The following ZNF609 variants were observed in gnomAD, a reference collection of about 807,000 sequenced individuals.
The protein encoded by ZNF609 is zinc finger protein 609.
A neutral mutation model predicts 109.5 loss-of-function variants in ZNF609; 11 were observed. The ratio of observed to expected loss-of-function variants is 0.10; its 90% CI spans 0.06 to 0.17. The LOEUF is 0.17. ZNF609 is among the 10% of genes least tolerant of loss of function. The pLI is 1.00. For missense variants in ZNF609, 1,559 were observed against 1,772.4 expected, an observed-to-expected ratio of 0.88 and a Z score of 2.16; for synonymous variants, 646 against 662.0, an observed-to-expected ratio of 0.98 and a Z score of 0.37.
At chr15:64,472,745 T>C (rs748562446) in intron 1 of ZNF609, among the ~76,000 whole-genome samples, 22 of 152,062 alleles carry the variant, frequency 1.4e-4, no homozygotes, top group Non-Finnish European at 2.8e-4. Context: ...TAGTTCCAGC[T>C]ACATGGGAAG....
rs1194339065 is a variant in ZNF609, at chr15:64,674,245, G to A, written c.1391G>A (p.Arg464His). ...SEDSKGSKRV[R>H]TNSMGSATGP... ...GACTCCAAAGGGAGCAAGCGTGTCC[G>A]TACTAATTCCATGGGCTCAGCCACT... is the stretch of plus-strand genomic sequence containing the variant. The change falls in exon 5 of 10, where the codon CGT becomes CAT. Residue 464 changes from arginine (R) to histidine (H), a missense_variant. Physicochemically the swap from Arg to His is conservative, Grantham distance 29. Coordinates refer to ENST00000326648, the MANE Select transcript of ZNF609 (RefSeq NM_015042.2). 3 of 1,614,058 alleles carry A rather than the reference G, an allele frequency of 1.9e-6. No individual in the cohort carries two copies. Among genetic ancestry groups the A allele is most frequent in the African/African-American group, 1.3e-5 (1 of 74,920 alleles).
chr15:64,586,968 G>C (rs1012989833), intron 2 of ZNF609, among the ~76,000 whole-genome samples: 2 of 152,136 alleles, frequency 1.3e-5, no homozygotes, highest in African/African-American at 2.4e-5. Flanking sequence ...TTTTCTTTAA[G>C]ATAATAATTT....
intron 2 of ZNF609, among the ~76,000 whole-genome samples, chr15:64,509,558 C>T (rs1335040942): frequency 6.6e-6 from 1 of 152,140 alleles, no homozygotes; most frequent in Non-Finnish European, 1.5e-5. Context: ...GCTAATATTC[C>T]AGCTCCTACT....
chr15:64,526,144 G>A (rs1275168222), intron 2 of ZNF609, among the ~76,000 whole-genome samples: 1 of 143,134 alleles, frequency 7.0e-6, no homozygotes, highest in African/African-American at 2.6e-5. Flanking sequence ...TTTAGGGGTT[G>A]TACACCAAAA....
intron 2 of ZNF609, among the ~76,000 whole-genome samples, chr15:64,527,435 G>C (rs1428301813): frequency 5.3e-5 from 8 of 151,182 alleles, no homozygotes; most frequent in African/African-American, 1.5e-4. Flanking sequence ...TTACACATAA[G>C]ATGGCATGAG....
chr15:64,528,935 A>AG, intron 2 of ZNF609: 3 of 1,269,198 alleles, frequency 2.4e-6, no homozygotes, highest in Non-Finnish European at 3.4e-6. Context: ...TCCAGACGAC[A>AG]GGTCAGGTCC....
At chr15:64,464,046 G>C (rs994035998) in intron 1 of ZNF609, among the ~76,000 whole-genome samples, 3 of 151,966 alleles carry the variant, frequency 2.0e-5, no homozygotes, top group African/African-American at 4.8e-5. Context: ...CCAACTACCC[G>C]TCCCAGCTTC....
intron 1 of ZNF609, among the ~76,000 whole-genome samples, chr15:64,477,818 G>T (rs967372145): frequency 6.6e-6 from 1 of 152,058 alleles, no homozygotes; most frequent in African/African-American, 2.4e-5. Context: ...TGGTAGAAAC[G>T]GGGTTTTACC....
At chr15:64,629,735 T>C (rs930117298) in intron 3 of ZNF609, among the ~76,000 whole-genome samples, 3 of 152,190 alleles carry the variant, frequency 2.0e-5, no homozygotes, top group East Asian at 1.9e-4. Flanking sequence ...CCGCACAAAA[T>C]AGGGGCTCTT....
chr15:64,518,230 A>T (rs988488376), intron 2 of ZNF609, among the ~76,000 whole-genome samples: 6 of 152,218 alleles, frequency 3.9e-5, no homozygotes, highest in African/African-American at 1.2e-4. Context: ...AAAAGAGGTG[A>T]TGGAGATCTC....
At chr15:64,616,749 G>C (rs1895804398) in intron 2 of ZNF609, among the ~76,000 whole-genome samples, 1 of 141,884 alleles carries the variant, frequency 7.0e-6, no homozygotes. Flanking sequence ...TCGATCTCCT[G>C]ACCTTGTGAT....
intron 2 of ZNF609, among the ~76,000 whole-genome samples, chr15:64,616,010 C>G (rs1200548568): frequency 6.6e-6 from 1 of 152,106 alleles, no homozygotes; most frequent in Non-Finnish European, 1.5e-5. Context: ...TCTCAAATAT[C>G]TCTTCAATGA....
Position 64,577,039 on chromosome 15 carries a change from T to A in ZNF609, c.748-45788T>A. On this transcript the variant is annotated intron_variant, in intron 2 of 9. Coordinates refer to ENST00000326648, the MANE Select transcript of ZNF609 (RefSeq NM_015042.2). ...ATACACATAAATATATATATGTATATATACACATAAATATATACATATATG... is the reference window on the plus strand; with the variant it reads ...ATACACATAAATATATATATGTATAAATACACATAAATATATACATATATG... Among the ~76,000 whole-genome samples, 2 of 130,166 alleles carry A rather than the reference T, an allele frequency of 1.5e-5. 1 individual carries two copies. Among genetic ancestry groups the A allele is most frequent in the Non-Finnish European group, 3.2e-5 (2 of 63,298 alleles). 85.4% of individuals were successfully genotyped at this position (130,166 alleles called of 152,430 possible). A position where few individuals can be genotyped will look rare whatever the true frequency, so the allele number is the denominator to read the frequency against.
chr15:64,589,386 C>T (rs192235060), intron 2 of ZNF609, among the ~76,000 whole-genome samples: 9 of 152,272 alleles, frequency 5.9e-5, no homozygotes, highest in Admixed American at 5.9e-4. Flanking sequence ...TCAGCAGCAG[C>T]AGCAGCAGCA....
At chr15:64,469,209 G>A (rs1672837427) in intron 1 of ZNF609, among the ~76,000 whole-genome samples, 2 of 151,684 alleles carry the variant, frequency 1.3e-5, no homozygotes, top group South Asian at 4.2e-4. Context: ...GTTGCAGTGA[G>A]CCGAGATCAA....
At chr15:64,542,742 A>G (rs1039628606) in intron 2 of ZNF609, among the ~76,000 whole-genome samples, 9 of 152,144 alleles carry the variant, frequency 5.9e-5, no homozygotes, top group South Asian at 2.1e-4. Flanking sequence ...CTTTTTAACA[A>G]TATCCACCCT....
At chr15:64,654,642 GAACA>G (rs1377480260) in intron 3 of ZNF609, among the ~76,000 whole-genome samples, 1 of 152,036 alleles carries the variant, frequency 6.6e-6, no homozygotes, top group Non-Finnish European at 1.5e-5. Context: ...AAGTGTGTGA[GAACA>G]GATTGAGATC....
intron 2 of ZNF609, among the ~76,000 whole-genome samples, chr15:64,541,559 C>T (rs1214901366): frequency 2.0e-5 from 3 of 151,134 alleles, no homozygotes; most frequent in Admixed American, 6.6e-5. Context: ...AGTAGAATTC[C>T]GCCGGGTGCC....
intron 2 of ZNF609, among the ~76,000 whole-genome samples, chr15:64,521,259 C>A (rs1284105260): frequency 6.6e-6 from 1 of 152,196 alleles, no homozygotes; most frequent in East Asian, 1.9e-4. Flanking sequence ...GAGGTGGTAA[C>A]CAGCTCATAA....
Sources: gnomAD v4.1 joint callset for allele counts (sites outside exome capture counted in the v4.1 genomes callset) on GRCh38, gnomAD v4.1.1 for gene constraint, MANE v1.5 for transcripts, NCBI Gene and HGNC (gene_info 2026-07-23, HGNC 2026-07-21) for gene names.